NEK6: variants seen among roughly 807,000 people sequenced by gnomAD.
NEK6 encodes the protein NIMA related kinase 6.
In NEK6, 27 loss-of-function variants were observed where a neutral mutation model predicts 43.5. That is an observed-to-expected ratio of 0.62 (90% CI 0.46 to 0.86). NEK6 has a LOEUF of 0.86. Among genes scored for constraint, NEK6 ranks in the 40% least tolerant of loss-of-function variants. NEK6 has a pLI of 0.00. For synonymous variants in NEK6, 167 were observed against 164.1 expected (o/e 1.02, Z -0.14); for missense variants, 318 against 414.4 (o/e 0.77, Z 2.02).
intron 4 of NEK6, among the ~76,000 whole-genome samples, chr9:124,318,629 A>C (rs1833927059): frequency 6.6e-6 from 1 of 152,082 alleles, no homozygotes; most frequent in South Asian, 2.1e-4. Flanking sequence ...CTTTTGAAGA[A>C]TCACTGTTCA....
chr9:124,322,414 A>ACAGCAGCAGG, intron 5 of NEK6, among the ~76,000 whole-genome samples: 1 of 152,268 alleles, frequency 6.6e-6, no homozygotes, highest in East Asian at 1.9e-4. Context: ...CTTCAGTGAA[A>ACAGCAGCAGG]CAGCAGCACC....
intron 1 of NEK6, among the ~76,000 whole-genome samples, chr9:124,279,939 A>G (rs1024841464): frequency 2.0e-5 from 3 of 152,222 alleles, no homozygotes; most frequent in Non-Finnish European, 4.4e-5. Context: ...ACATGGCTTC[A>G]CAAGCTTCTC....
At chr9:124,274,776 G>A (rs533765120) in intron 1 of NEK6, among the ~76,000 whole-genome samples, 25 of 152,288 alleles carry the variant, frequency 1.6e-4, no homozygotes, top group Non-Finnish European at 3.4e-4. Context: ...AGGGAGGTTG[G>A]GAGCTGACCG....
At chr9:124,332,500 C>T (rs924306680) in intron 7 of NEK6, among the ~76,000 whole-genome samples, 8 of 152,334 alleles carry the variant, frequency 5.3e-5, no homozygotes, top group Non-Finnish European at 8.8e-5. Context: ...CTGCCCCTGT[C>T]TGTCCCATGG....
chr9:124,272,129 A>T (rs1831463492), intron 1 of NEK6, among the ~76,000 whole-genome samples: 1 of 152,186 alleles, frequency 6.6e-6, no homozygotes, highest in African/African-American at 2.4e-5. Flanking sequence ...GAGGCCTTTG[A>T]TACTCTGTGT....
intron 9 of NEK6, among the ~76,000 whole-genome samples, chr9:124,349,479 C>CA (rs1226692845): frequency 6.6e-6 from 1 of 152,194 alleles, no homozygotes; most frequent in East Asian, 1.9e-4. Context: ...CACGAGCCCC[C>CA]ACTCCCCGGA....
Position 124,291,098 on chromosome 9 carries a change from G to A in NEK6, c.-29-10838G>A, listed in dbSNP as rs71495510. On this transcript the variant is annotated intron_variant, in intron 1 of 9. Coordinates refer to ENST00000320246, the MANE Select transcript of NEK6 (RefSeq NM_014397.6). ...TGATGGGGTATCTGCCTTGTGCCCC[G>A]CCTGGCCCTAAGCTCTTTCAACTCG... 5.1e-3 allele frequency among the ~76,000 whole-genome samples: 781 copies of A among 152,260 alleles called. 7 individuals are homozygous for A. Among genetic ancestry groups the A allele is most frequent in the Non-Finnish European group, 9.1e-3 (621 of 68,016 alleles).
In NEK6 at chr9:124,330,381, C is replaced by G. The variant is rs549462469; in HGVS notation, c.622+2936C>G. Among the ~76,000 whole-genome samples the G allele has an allele frequency of 5.3e-5, 8 of 152,336 alleles. 1 individual carries two copies. In the South Asian group the frequency reaches 1.0e-3, roughly 20 times the overall value. ...ACAAGCTACAAGCAAGTGTCTCGCT[C>G]CGAGCAACGGCAGCAGCTGCAAGAC... On this transcript the variant is annotated intron_variant, in intron 7 of 9. Transcript: ENST00000320246.
intron 2 of NEK6, among the ~76,000 whole-genome samples, chr9:124,310,759 C>T (rs541943711): frequency 2.0e-5 from 3 of 152,242 alleles, no homozygotes; most frequent in East Asian, 1.9e-4. Context: ...CCACCACACC[C>T]GGCTAATTTT....
chr9:124,261,506 C>T (rs144758719), intron 1 of NEK6: 16 of 985,440 alleles, frequency 1.6e-5, no homozygotes, highest in African/African-American at 1.2e-4. Context: ...AGGAAGAGTC[C>T]GGTGTTCTGG....
At chr9:124,313,793 A>T (rs1192561187) in intron 3 of NEK6, 130 bp from the exon 4 acceptor site, 2 of 821,116 alleles carry the variant, frequency 2.4e-6, no homozygotes, top group Non-Finnish European at 4.0e-6. Flanking sequence ...CTGGGAGTGC[A>T]GGGGGGGGTC....
chr9:124,293,113 C>T, intron 1 of NEK6: 2 of 1,303,776 alleles, frequency 1.5e-6, no homozygotes, highest in South Asian at 2.1e-5. Flanking sequence ...CTCTCCCCAG[C>T]TGCATTGTGG....
At chr9:124,307,249 G>C (rs376979551) in intron 2 of NEK6, among the ~76,000 whole-genome samples, 2 of 152,098 alleles carry the variant, frequency 1.3e-5, no homozygotes, top group South Asian at 4.2e-4. Context: ...AGAAGACAGC[G>C]TGGGTTTCTC....
intron 9 of NEK6, 44 bp downstream of exon 9, chr9:124,347,866 A>G (rs1197737146): frequency 7.9e-7 from 1 of 1,271,256 alleles, no homozygotes. Flanking sequence ...CCAGGAGGCC[A>G]CCGAGGCTTA....
chr9:124,346,254 C>G (rs954661921), intron 8 of NEK6, among the ~76,000 whole-genome samples: 2 of 152,194 alleles, frequency 1.3e-5, no homozygotes, highest in African/African-American at 4.8e-5. Context: ...AGGATGGTGC[C>G]AGGCTCTGAA....
chr9:124,345,040 C>T (rs1222276875), intron 8 of NEK6, among the ~76,000 whole-genome samples: 1 of 152,224 alleles, frequency 6.6e-6, no homozygotes, highest in East Asian at 1.9e-4. Flanking sequence ...CCTCTGACAT[C>T]TCAGATCACA....
intron 1 of NEK6, among the ~76,000 whole-genome samples, chr9:124,266,237 G>A (rs1475496795): frequency 2.0e-5 from 3 of 152,156 alleles, no homozygotes; most frequent in Admixed American, 2.0e-4. Flanking sequence ...CACTTACTGT[G>A]GGCCATGTTC....
At chr9:124,308,425 G>T (rs891389655) in intron 2 of NEK6, among the ~76,000 whole-genome samples, 2 of 152,156 alleles carry the variant, frequency 1.3e-5, no homozygotes, top group Non-Finnish European at 2.9e-5. Context: ...GCCGAGGCAG[G>T]TGGATCACCT....
At chr9:124,295,167 G>C (rs1374189566) in intron 1 of NEK6, among the ~76,000 whole-genome samples, 1 of 152,252 alleles carries the variant, frequency 6.6e-6, no homozygotes, top group Non-Finnish European at 1.5e-5. Context: ...GTGGCTCATG[G>C]TCCTGCATCC....
Sources: gnomAD v4.1 joint callset for allele counts (sites outside exome capture counted in the v4.1 genomes callset) on GRCh38, gnomAD v4.1.1 for gene constraint, MANE v1.5 for transcripts, NCBI Gene and HGNC (gene_info 2026-07-23, HGNC 2026-07-21) for gene names.